The following BNC2 variants were observed in gnomAD, a reference collection of about 807,000 sequenced individuals.
BNC2 encodes the protein zinc finger protein basonuclin-2.
BNC2 carries 20 observed loss-of-function variants against 76.3 expected under a neutral mutation model. The ratio of observed to expected loss-of-function variants is 0.26; its 90% CI spans 0.18 to 0.38. The LOEUF (loss-of-function observed/expected upper bound fraction) is 0.38. Ranked by LOEUF, BNC2 falls within the 10% of genes least tolerant of loss-of-function variation. The pLI, the probability that BNC2 is intolerant of heterozygous loss-of-function variation, is 1.00. For synonymous variants in BNC2, 582 were observed against 514.8 expected, an observed-to-expected ratio of 1.13 and a Z score of -1.77; for missense variants, 1,382 against 1,399.8, an observed-to-expected ratio of 0.99 and a Z score of 0.20.
intron 1 of BNC2, among the ~76,000 whole-genome samples, chr9:16,805,927 A>G (rs1353274367): frequency 1.3e-5 from 2 of 152,192 alleles, no homozygotes; most frequent in African/African-American, 2.4e-5. Flanking sequence ...TTTTTAGTGT[A>G]ACAGTATATT....
chr9:16,643,258 A>T (rs1038549816), intron 3 of BNC2, among the ~76,000 whole-genome samples: 5 of 151,024 alleles, frequency 3.3e-5, no homozygotes, highest in African/African-American at 1.2e-4. Flanking sequence ...GTGAGCCAAG[A>T]TCACGACAAT....
chr9:16,664,014 T>A (rs553347520), intron 3 of BNC2, among the ~76,000 whole-genome samples: 7 of 152,298 alleles, frequency 4.6e-5, no homozygotes, highest in South Asian at 2.1e-4. Flanking sequence ...GCCATTATTA[T>A]TAGAGATTAG....
chr9:16,859,657 A>C (rs554287954), intron 1 of BNC2, among the ~76,000 whole-genome samples: 77 of 152,342 alleles, frequency 5.1e-4, no homozygotes, highest in Non-Finnish European at 7.3e-4. Flanking sequence ...TAAAGTAGGC[A>C]AACTCTTAGA....
At chr9:16,632,268 T>C (rs1418282531) in intron 3 of BNC2, among the ~76,000 whole-genome samples, 1 of 152,178 alleles carries the variant, frequency 6.6e-6, no homozygotes, top group Non-Finnish European at 1.5e-5. Flanking sequence ...GGCACTGAGA[T>C]CTCAGGATCA....
Position 16,411,950 on chromosome 9 carries a change from A to G in BNC2, c.*7039T>C, listed in dbSNP as rs1820470572. ...AGACGCTTGATAGATCTTGCACTTC[A>G]TTTAGTCACTAACTAGTCACTTTCC... is the stretch of plus-strand genomic sequence containing the variant. On this transcript the variant is annotated 3_prime_UTR_variant, in exon 7 of 7. Coordinates refer to ENST00000380672, the MANE Select transcript of BNC2 (RefSeq NM_017637.6). 6.6e-6 allele frequency: 1 copy of G among 152,236 alleles called. No individual in the cohort carries two copies. The highest frequency in any genetic ancestry group is 2.1e-4 in the South Asian group (1 of 4,828). The allele number at this position is 152,236 out of a possible 1,614,324, so 9.4% of individuals were successfully genotyped here. A position where few individuals can be genotyped will look rare whatever the true frequency, so the allele number is the denominator to read the frequency against.
intron 2 of BNC2, among the ~76,000 whole-genome samples, chr9:16,731,914 A>G (rs1381130523): frequency 3.9e-5 from 6 of 152,132 alleles, no homozygotes; most frequent in African/African-American, 7.2e-5. Flanking sequence ...CTTTTTGCAT[A>G]TAACTACACA....
chr9:16,690,013 G>A (rs78317546), intron 3 of BNC2, among the ~76,000 whole-genome samples: 4,431 of 152,274 alleles, frequency 0.029, 215 homozygotes, highest in African/African-American at 0.1. Flanking sequence ...GGTGAGCTAC[G>A]TGGCAGAGTA....
At chr9:16,781,166 A>G (rs1826143000) in intron 1 of BNC2, among the ~76,000 whole-genome samples, 1 of 151,988 alleles carries the variant, frequency 6.6e-6, no homozygotes, top group Non-Finnish European at 1.5e-5. Flanking sequence ...CCAGCCACGT[A>G]ACATTTTGTT....
chr9:16,588,862 T>G (rs1379511003), intron 3 of BNC2, among the ~76,000 whole-genome samples: 1 of 152,172 alleles, frequency 6.6e-6, no homozygotes, highest in African/African-American at 2.4e-5. Context: ...AAAGCACAAA[T>G]TGTTGTTTCA....
At chr9:16,821,954 G>A (rs1818343690) in intron 1 of BNC2, among the ~76,000 whole-genome samples, 1 of 152,078 alleles carries the variant, frequency 6.6e-6, no homozygotes, top group Middle Eastern at 3.4e-3. Flanking sequence ...TTAGCCAGGT[G>A]CGGTGGCGGG....
intron 4 of BNC2, among the ~76,000 whole-genome samples, chr9:16,582,033 T>G (rs1166410181): frequency 6.6e-6 from 1 of 152,100 alleles, no homozygotes; most frequent in Non-Finnish European, 1.5e-5. Flanking sequence ...TGTTGTTACC[T>G]CAGATGTTGC....
At chr9:16,525,960 AAG>A (rs1239438046) in intron 5 of BNC2, among the ~76,000 whole-genome samples, 1 of 152,156 alleles carries the variant, frequency 6.6e-6, no homozygotes, top group African/African-American at 2.4e-5. Flanking sequence ...CAGCACAATC[AAG>A]AGTCTATCCT....
intron 4 of BNC2, among the ~76,000 whole-genome samples, chr9:16,567,638 G>C (rs1405561125): frequency 6.6e-6 from 1 of 152,038 alleles, no homozygotes; most frequent in African/African-American, 2.4e-5. Flanking sequence ...GAGTATAAAA[G>C]TGCTTTTCAC....
At chr9:16,710,039 C>CATATGTAAATGAAT (rs1222845280) in intron 3 of BNC2, among the ~76,000 whole-genome samples, 1 of 152,014 alleles carries the variant, frequency 6.6e-6, no homozygotes, top group Non-Finnish European at 1.5e-5. Flanking sequence ...AACAGACATT[C>CATATGTAAATGAAT]TCTTATTTTC....
At chr9:16,779,916 T>C (rs1260396586) in intron 1 of BNC2, among the ~76,000 whole-genome samples, 1 of 152,136 alleles carries the variant, frequency 6.6e-6, no homozygotes, top group Non-Finnish European at 1.5e-5. Flanking sequence ...AAATTGAATG[T>C]AGTGATAGTT....
At chr9:16,795,436 T>C (rs73649033) in intron 1 of BNC2, among the ~76,000 whole-genome samples, 2,764 of 151,400 alleles carry the variant, frequency 0.018, 79 homozygotes, top group African/African-American at 0.063. Context: ...ACCGGAAACA[T>C]TGGGAGACTG....
intron 4 of BNC2, among the ~76,000 whole-genome samples, chr9:16,561,542 A>G (rs1819015996): frequency 6.7e-6 from 1 of 148,938 alleles, no homozygotes; most frequent in African/African-American, 2.6e-5. Context: ...GATCCACTTG[A>G]GAATGGGCCT....
intron 5 of BNC2, among the ~76,000 whole-genome samples, chr9:16,447,911 T>C (rs145499917): frequency 0.012 from 1,812 of 152,252 alleles, 40 homozygotes; most frequent in African/African-American, 0.042. Context: ...TTAAACCCTT[T>C]AATAGTTCTT....
intron 1 of BNC2, among the ~76,000 whole-genome samples, chr9:16,802,695 G>T (rs1021041718): frequency 2.0e-5 from 3 of 152,182 alleles, no homozygotes; most frequent in Non-Finnish European, 4.4e-5. Context: ...AAGGGTTTTT[G>T]TAAGAACACA....
Sources: allele counts gnomAD v4.1 joint callset (sites outside exome capture counted in the v4.1 genomes callset), GRCh38; gene constraint gnomAD v4.1.1; transcripts MANE v1.5; gene names NCBI Gene and HGNC (gene_info 2026-07-23, HGNC 2026-07-21).